Variants in DNAH1 observed in about 807,000 individuals in gnomAD.
The protein encoded by DNAH1 is dynein axonemal heavy chain 1, also known as axonemal beta dynein heavy chain 1.
In DNAH1, 327 loss-of-function variants were observed where a neutral mutation model predicts 484.3. The observed-to-expected ratio is 0.68, with a 90% CI of 0.62 to 0.74. The LOEUF (loss-of-function observed/expected upper bound fraction) is 0.74, where lower values mean the gene tolerates loss of function less well. Among genes scored for constraint, DNAH1 ranks in the 30% least tolerant of loss-of-function variants. DNAH1 has a pLI of 0.00. For synonymous variants in DNAH1, 2,192 were observed against 2,191.9 expected (o/e 1.00, Z 0.00); for missense variants, 5,052 against 5,546.8 (o/e 0.91, Z 2.83).
At position 52,353,564 on chromosome 3, in the gene DNAH1, C is replaced by T. The variant is rs1318384187; in HGVS notation, c.3411C>T (p.Asn1137=). The change falls in exon 20 of 78, where the codon AAC becomes AAT. Residue 1137 remains asparagine, a synonymous_variant. Coordinates refer to ENST00000420323, the MANE Select transcript of DNAH1 (RefSeq NM_015512.5). The surrounding 1 kb of genome is among the most constrained non-coding windows in gnomAD (Gnocchi z 5.0). Reference sequence around the variant, plus strand: ...CCTTTGCTCGCTGCCTGGAGATGAACCTGCAGGACCATATCGAGAGCATCA... The same window carrying T: ...CCTTTGCTCGCTGCCTGGAGATGAATCTGCAGGACCATATCGAGAGCATCA... ...NLTFARCLEM[N]LQDHIESISK... The T allele has an allele frequency of 6.2e-7, 1 of 1,613,128 alleles. No homozygotes were observed. The highest frequency in any genetic ancestry group is 1.3e-5 in the African/African-American group (1 of 74,928).
chr3:52,372,511 C>G, intron 43 of DNAH1, 124 bp downstream of exon 43: 1 of 1,348,602 alleles, frequency 7.4e-7, no homozygotes, highest in African/African-American at 1.4e-5. Context: ...GGGGAGCTGA[C>G]AGCCCCCCAA....
chr3:52,380,996 G>C (rs917987809), intron 48 of DNAH1, among the ~76,000 whole-genome samples: 4 of 152,206 alleles, frequency 2.6e-5, no homozygotes, highest in Non-Finnish European at 5.9e-5. Context: ...TATGAGTTAT[G>C]GAGTTCACAT....
In DNAH1 at chr3:52,375,537, T is replaced by C. The variant is rs552563776; in HGVS notation, c.7159+124T>C. ...CCAAACCATGACCGCAACCCTGGGT[T>C]CACCTCTCACTCAGCTGTGTGATCT... On this transcript the variant is annotated intron_variant, in intron 45 of 77. Transcript: ENST00000420323. 8.8e-4 allele frequency: 888 copies of C among 1,007,186 alleles called. 9 individuals are homozygous for C. In the South Asian group the frequency reaches 0.013, roughly 15 times the overall value. The allele number at this position is 1,007,186 out of a possible 1,614,324, so 62.4% of individuals were successfully genotyped here.
intron 59 of DNAH1, 88 bp downstream of exon 59, chr3:52,389,025 C>T: frequency 7.0e-7 from 1 of 1,425,902 alleles, no homozygotes; most frequent in Non-Finnish European, 9.3e-7. Flanking sequence ...TGATAGGCAG[C>T]CTGCAGGTGG....
intron 4 of DNAH1, 136 bp from the exon 5 acceptor site, chr3:52,326,598 TC>T: frequency 8.8e-7 from 1 of 1,137,110 alleles, no homozygotes; most frequent in Non-Finnish European, 1.2e-6. Flanking sequence ...CTGATGAGTC[TC>T]AGAGGGGTGG....
chr3:52,391,707 C>A, intron 63 of DNAH1, 104 bp downstream of exon 63: 1 of 1,378,742 alleles, frequency 7.3e-7, no homozygotes, highest in Admixed American at 1.9e-5. Flanking sequence ...CTTTCCCCCA[C>A]TCAAAGTCTC....
chr3:52,386,232 A>G lies in DNAH1; in HGVS notation c.8698A>G (p.Lys2900Glu). 2.5e-6 allele frequency: 4 copies of G among 1,613,738 alleles called. No individual in the cohort carries two copies. The highest frequency in any genetic ancestry group is 3.4e-6 in the Non-Finnish European group (4 of 1,179,812). The change falls in exon 55 of 78, where the codon AAG (lysine) becomes GAG (glutamate). Residue 2900 changes from lysine to glutamate, a missense_variant. Transcript: ENST00000420323. ...TEEIKANEKA[K>E]KAQAIADDAQ... ...GGAGATCAAAGCCAATGAGAAGGCC[A>G]AGAAGGCACAAGCTATTGCTGACGA... is the stretch of plus-strand genomic sequence containing the variant.
In DNAH1 at chr3:52,372,217, G is replaced by A. The variant is rs368082079; in HGVS notation, c.6667-10G>A. On this transcript the variant is annotated splice_polypyrimidine_tract_variant and intron_variant, in intron 42 of 77. Transcript: ENST00000420323. The stretch of plus-strand genomic sequence containing the variant: ...CACCGCATGCTCCTGTGCCATCCCC[G>A]CTCTGCCAGGTGCTGTGCATTGGGC... The A allele has an allele frequency of 4.3e-6, 7 of 1,613,314 alleles. No individual in the cohort carries two copies. The highest frequency in any genetic ancestry group is 4.0e-5 in the African/African-American group (3 of 74,880).
At chr3:52,311,874 C>T (rs560264208), upstream of DNAH1, among the ~76,000 whole-genome samples, 121 of 152,330 alleles carry the variant, frequency 7.9e-4, no homozygotes, top group African/African-American at 2.7e-3. Flanking sequence ...GCTCTGGGCC[C>T]GCCAAAGCCG....
intron 73 of DNAH1, 108 bp from the exon 74 acceptor site, chr3:52,397,599 G>C: frequency 9.5e-7 from 1 of 1,049,078 alleles, no homozygotes; most frequent in Non-Finnish European, 1.4e-6. Context: ...ATGAGCAGGA[G>C]TGACAAGTGG....
Position 52,385,263 on chromosome 3 carries a change from A to G in DNAH1, c.8515-74A>G, listed in dbSNP as rs1014022389. 1.1e-5 allele frequency: 16 copies of G among 1,423,706 alleles called. No homozygotes were observed. The East Asian group carries it at 4.0e-4, about 35-fold the overall frequency. 88.2% of individuals were successfully genotyped at this position (1,423,706 alleles called of 1,614,324 possible). A position where few individuals can be genotyped will look rare whatever the true frequency, so the allele number is the denominator to read the frequency against. On this transcript the variant is annotated intron_variant, in intron 53 of 77. Transcript: ENST00000420323. ...GGCCACAGCTTCTCTCTCATGAATG[A>G]GGGCGGCCCAGCAGGCCCTGTGCTC...
At position 52,395,127 on chromosome 3, in the gene DNAH1, G is replaced by A; in HGVS notation, c.10968+68G>A. 1 of 1,548,284 alleles carries A rather than the reference G, an allele frequency of 6.5e-7. No individual in the cohort carries two copies. The highest frequency in any genetic ancestry group is 1.2e-5 in the South Asian group (1 of 82,164). On this transcript the variant is annotated intron_variant, in intron 68 of 77. Coordinates refer to ENST00000420323, the MANE Select transcript of DNAH1 (RefSeq NM_015512.5). The surrounding 1 kb of genome is among the most constrained non-coding windows in gnomAD (Gnocchi z 4.4). ...CCCCACCCTGGGTCCCAGGGCCCTG[G>A]CTGCATCTGGATAGACTACTTGGCC...
Position 52,375,963 on chromosome 3 carries a change from C to T in DNAH1, c.7168C>T (p.Leu2390Phe), listed in dbSNP as rs770267834. The T allele has an allele frequency of 6.2e-7, 1 of 1,612,086 alleles. No homozygotes were observed. Among genetic ancestry groups the T allele is most frequent in the African/African-American group, 1.3e-5 (1 of 74,768 alleles). Residue 2390 changes from leucine (L) to phenylalanine (F), a missense_variant, in exon 46 of 78, where the codon CTT becomes TTT. By Grantham distance (22) the Leu-to-Phe change is conservative. Transcript: ENST00000420323. ...CTCCCTCCATCCTCTAGATGGACTCCTTGGAGAAAAAAGCTACCGGGAGCG... is the reference window on the plus strand; with the variant it reads ...CTCCCTCCATCCTCTAGATGGACTCTTTGGAGAAAAAAGCTACCGGGAGCG... ...TILGNWLDGLLGEKSYRERVP... is the reference protein window; with the variant it reads ...TILGNWLDGLFGEKSYRERVP...
rs765237376 is a variant in DNAH1 at position 52,375,993 on chromosome 3, C to T, written c.7198C>T (p.Pro2400Ser). The change falls in exon 46 of 78, where the codon CCT (proline) becomes TCT (serine). Residue 2400 changes from proline (P) to serine (S), a missense_variant and splice_region_variant. Around this residue, in one of 4 missense-constraint regions of DNAH1, gnomAD observed 2,929 missense variants for 3,409.4 expected, o/e 0.86. Transcript: ENST00000420323. ...AGAAAAAAGCTACCGGGAGCGTGTG[C>T]GTAAGTGTGGGCCTGGGCGGGAATG... ...LGEKSYRERV[P>S]GAPHIAHFTE... 28 of 1,611,652 alleles carry T rather than the reference C, an allele frequency of 1.7e-5. No homozygotes were observed. Among genetic ancestry groups the T allele is most frequent in the Non-Finnish European group, 2.1e-5 (25 of 1,179,272 alleles).
chr3:52,399,828 T>C (rs1035567123), intron 77 of DNAH1, 49 bp downstream of exon 77: 1 of 1,569,760 alleles, frequency 6.4e-7, no homozygotes, highest in South Asian at 1.1e-5. Context: ...GACCCAGGAC[T>C]AACCCAGCCC....
In DNAH1 at chr3:52,375,327, T is replaced by TG. The variant is rs762545991; in HGVS notation, c.7074dup (p.Arg2359AlafsTer10). The TG allele has an allele frequency of 1.3e-4, 217 of 1,613,338 alleles. No individual in the cohort carries two copies. The highest frequency in any genetic ancestry group is 1.8e-4 in the Non-Finnish European group (211 of 1,179,686). ...AGGAACACCGTCACCCCGCGGCTGA[T>TG]GCGTCACTTCAACTACCTGTCTTTC... On this transcript the variant is annotated frameshift_variant, in exon 45 of 78. Transcript: ENST00000420323. LOFTEE classifies it high-confidence loss of function.
rs372040348 is a variant in DNAH1, at chr3:52,385,343, C to A, written c.8521C>A (p.Arg2841Ser). 6.4e-7 allele frequency: 1 copy of A among 1,552,200 alleles called. No homozygotes were observed. The highest frequency in any genetic ancestry group is 2.4e-5 in the East Asian group (1 of 40,944). The change falls in exon 54 of 78, where the codon CGC (arginine) becomes AGC (serine). Residue 2841 changes from arginine (R) to serine (S), a missense_variant. Physicochemically the swap from Arg to Ser is moderately radical, Grantham distance 110. This residue lies in a region of DNAH1 where 2,929 missense variants were observed against 3,409.4 expected (regional missense o/e 0.86). Coordinates refer to ENST00000420323, the MANE Select transcript of DNAH1 (RefSeq NM_015512.5). The part of the protein sequence containing the change: ...RMKSGLDKLL[R>S]TSEDVAKMQE... ...TCTCTGCCCTGACCCCTAGCTGCTG[C>A]GCACTTCTGAGGATGTAGCCAAGAT...
At chr3:52,323,001 C>T (rs1427704267) in intron 2 of DNAH1, among the ~76,000 whole-genome samples, 1 of 152,214 alleles carries the variant, frequency 6.6e-6, no homozygotes, top group Non-Finnish European at 1.5e-5. Flanking sequence ...CAACTCATTA[C>T]TGAGCTCCTG....
At chr3:52,341,321 T>C (rs865877201) in intron 8 of DNAH1, among the ~76,000 whole-genome samples, 14 of 152,260 alleles carry the variant, frequency 9.2e-5, no homozygotes, top group Middle Eastern at 3.4e-3. Context: ...CAGACCCTGA[T>C]GTGGGGACTC....
Sources: gnomAD v4.1 joint callset for allele counts (sites outside exome capture counted in the v4.1 genomes callset) on GRCh38, gnomAD v4.1.1 for gene constraint, gnomAD v4.1.1 regional missense constraint, Gnocchi (gnomAD v3.1) non-coding constraint, MANE v1.5 for transcripts, NCBI Gene and HGNC (gene_info 2026-07-23, HGNC 2026-07-21) for gene names.